Variants in FBN2 observed in about 807,000 individuals in gnomAD.
FBN2 encodes fibrillin 2.
FBN2 carries 105 observed loss-of-function variants against 355.6 expected under a neutral mutation model. The observed-to-expected ratio is 0.30, with a 90% CI of 0.25 to 0.35. FBN2 has a LOEUF of 0.35. Among genes scored for constraint, FBN2 ranks in the 10% least tolerant of loss-of-function variants. FBN2 has a pLI of 1.00. For synonymous variants in FBN2, 1,350 were observed against 1,301.2 expected (o/e 1.04, Z -0.81); for missense variants, 3,280 against 3,758.7 (o/e 0.87, Z 3.33).
intron 61 of FBN2, among the ~76,000 whole-genome samples, chr5:128,273,531 T>C (rs1765314737): frequency 6.6e-6 from 1 of 152,224 alleles, no homozygotes; most frequent in African/African-American, 2.4e-5. Flanking sequence ...CTGGTATGCT[T>C]GTACACTACC....
Position 128,297,144 on chromosome 5 carries a change from G to A in FBN2, c.6166+3673C>T, listed in dbSNP as rs1189626096. 3.9e-5 allele frequency among the ~76,000 whole-genome samples: 6 copies of A among 152,136 alleles called. No individual in the cohort carries two copies. In the East Asian group the frequency reaches 5.8e-4, roughly 15 times the overall value. ...TTGTTCAGTTTCCATGTAGTTGAGC[G>A]GTTTTGAGTGAGATTCTTAATCCTG... On this transcript the variant is annotated intron_variant, in intron 48 of 64. Transcript: ENST00000262464.
At chr5:128,407,897 C>T (rs73345298) in intron 8 of FBN2, among the ~76,000 whole-genome samples, 3,673 of 152,252 alleles carry the variant, frequency 0.024, 130 homozygotes, top group African/African-American at 0.085. Context: ...ACTGCCCAAA[C>T]GGCCACCCTC....
intron 7 of FBN2, among the ~76,000 whole-genome samples, chr5:128,411,761 G>A (rs1442393129): frequency 6.6e-6 from 1 of 152,188 alleles, no homozygotes; most frequent in Non-Finnish European, 1.5e-5. Flanking sequence ...TGAGGGTGGA[G>A]CCCTCGCCAG....
At chr5:128,447,475 T>G (rs972069261) in intron 6 of FBN2, among the ~76,000 whole-genome samples, 4 of 152,204 alleles carry the variant, frequency 2.6e-5, no homozygotes, top group African/African-American at 4.8e-5. Flanking sequence ...AGGCGTACTA[T>G]GTACCAGGAT....
intron 20 of FBN2, among the ~76,000 whole-genome samples, chr5:128,353,012 A>G (rs1383824322): frequency 1.3e-5 from 2 of 152,072 alleles, no homozygotes; most frequent in Admixed American, 1.3e-4. Flanking sequence ...GTCTCTACAA[A>G]AAACACAAAA....
intron 4 of FBN2, among the ~76,000 whole-genome samples, chr5:128,526,636 G>A (rs985261828): frequency 2.0e-5 from 3 of 152,100 alleles, no homozygotes; most frequent in African/African-American, 4.8e-5. Context: ...AGTCACCCAA[G>A]GACAAATACT....
At chr5:128,410,950 G>A (rs989721620) in intron 7 of FBN2, among the ~76,000 whole-genome samples, 1 of 152,130 alleles carries the variant, frequency 6.6e-6, no homozygotes, top group Non-Finnish European at 1.5e-5. Flanking sequence ...TTAAAAATAA[G>A]GTGCTTTTTT....
At chr5:128,306,852 T>C (rs1749898564) in intron 42 of FBN2, among the ~76,000 whole-genome samples, 1 of 152,140 alleles carries the variant, frequency 6.6e-6, no homozygotes, top group African/African-American at 2.4e-5. Flanking sequence ...TGTAATACAA[T>C]GTGCATGACA....
At chr5:128,300,000 C>T (rs1348605404) in intron 48 of FBN2, among the ~76,000 whole-genome samples, 3 of 152,162 alleles carry the variant, frequency 2.0e-5, no homozygotes, top group Non-Finnish European at 4.4e-5. Context: ...ATTATGTGGT[C>T]TGAAGAATAA....
chr5:128,318,971 C>A lies in FBN2; in HGVS notation c.4502G>T (p.Cys1501Phe). The change falls in exon 35 of 65, where the codon TGT becomes TTT. Residue 1501 changes from cysteine (C) to phenylalanine (F), a missense_variant. Physicochemically the swap from Cys to Phe is radical, Grantham distance 205. Transcript: ENST00000262464. Reference protein sequence around the residue: ...DIDECSFQNICVFGTCNNLPG... With the variant: ...DIDECSFQNIFVFGTCNNLPG... ...CAGGTTATTACATGTTCCAAAGACA[C>A]AAATGTTTTGGAAGGAGCATTCATC... 2 of 1,608,800 alleles carry A rather than the reference C, an allele frequency of 1.2e-6. No individual in the cohort carries two copies. The highest frequency in any genetic ancestry group is 1.7e-6 in the Non-Finnish European group (2 of 1,175,402).
intron 25 of FBN2, 108 bp from the exon 26 acceptor site, chr5:128,339,169 T>C (rs1750925191): frequency 8.9e-7 from 1 of 1,122,134 alleles, no homozygotes; most frequent in African/African-American, 1.5e-5. Flanking sequence ...TGGCTAACAG[T>C]ACAAGGGTAT....
At chr5:128,318,853 A>T in intron 35 of FBN2, 26 bp downstream of exon 35, 5 of 1,608,672 alleles carry the variant, frequency 3.1e-6, no homozygotes, top group Non-Finnish European at 4.3e-6. Flanking sequence ...GAATCAGAAC[A>T]CAACTTAGCT....
intron 23 of FBN2, among the ~76,000 whole-genome samples, chr5:128,349,038 G>A (rs1433953985): frequency 6.6e-6 from 1 of 152,138 alleles, no homozygotes; most frequent in African/African-American, 2.4e-5. Flanking sequence ...CAACTTTCCT[G>A]CTGTGTTCAA....
At chr5:128,366,294 A>G in intron 17 of FBN2, 83 bp downstream of exon 17, 2 of 673,880 alleles carry the variant, frequency 3.0e-6, no homozygotes, top group South Asian at 2.1e-5. Context: ...TTCATATTAA[A>G]TATACTCATA....
At chr5:128,263,877 G>A (rs978783885) in intron 62 of FBN2, among the ~76,000 whole-genome samples, 4 of 152,100 alleles carry the variant, frequency 2.6e-5, no homozygotes, top group African/African-American at 4.8e-5. Flanking sequence ...TGTTTGTACT[G>A]TTTCTAAATA....
chr5:128,375,200 T>G (rs1752050181), intron 14 of FBN2, among the ~76,000 whole-genome samples: 1 of 152,182 alleles, frequency 6.6e-6, no homozygotes, highest in Non-Finnish European at 1.5e-5. Flanking sequence ...TTATCAAACG[T>G]AACCCAGCAT....
chr5:128,280,199 T>C lies in FBN2; in HGVS notation c.7131A>G (p.Glu2377=). 6.2e-7 allele frequency: 1 copy of C among 1,612,378 alleles called. No individual in the cohort carries two copies. The change falls in exon 56 of 65, where the codon GAA becomes GAG. Residue 2377 remains glutamate (E), a synonymous_variant. Coordinates refer to ENST00000262464, the MANE Select transcript of FBN2 (RefSeq NM_001999.4). ...EGFQSSSSGT[E]CLDNRQGLCF... is the part of the protein sequence containing the mutation. ...ATTTGGATGTCAACTTACCAAGGCA[T>C]TCAGTGCCTGAAGAACTTGACTGGA...
At chr5:128,395,910 G>C (rs1752638756) in intron 8 of FBN2, among the ~76,000 whole-genome samples, 1 of 152,158 alleles carries the variant, frequency 6.6e-6, no homozygotes, top group Non-Finnish European at 1.5e-5. Flanking sequence ...TCGAGTGGAG[G>C]GTTTGGAGAT....
intron 5 of FBN2, among the ~76,000 whole-genome samples, chr5:128,483,035 T>C (rs568889349): frequency 6.6e-6 from 1 of 152,292 alleles, no homozygotes; most frequent in South Asian, 2.1e-4. Context: ...CTGGAGGCCA[T>C]TATCCTAAGT....
Sources: gnomAD v4.1 joint callset for allele counts (sites outside exome capture counted in the v4.1 genomes callset) on GRCh38, gnomAD v4.1.1 for gene constraint, MANE v1.5 for transcripts, NCBI Gene and HGNC (gene_info 2026-07-23, HGNC 2026-07-21) for gene names.